The following SDK1 variants were observed in gnomAD, a reference collection of about 807,000 sequenced individuals.
The protein encoded by SDK1 is protein sidekick-1.
In SDK1, 157 loss-of-function variants were observed where a neutral mutation model predicts 245.5. That is an observed-to-expected ratio of 0.64 (90% CI 0.56 to 0.73). SDK1 has a LOEUF of 0.73. SDK1 is among the 30% of genes least tolerant of loss of function. The pLI, the probability that SDK1 is intolerant of heterozygous loss-of-function variation, is 0.00. For synonymous variants in SDK1, 1,647 were observed against 1,278.5 expected (o/e 1.29, Z -6.15); for missense variants, 3,583 against 3,002.3 (o/e 1.19, Z -4.52).
intron 1 of SDK1, among the ~76,000 whole-genome samples, chr7:3,573,821 C>T (rs771660283): frequency 1.3e-5 from 2 of 151,904 alleles, no homozygotes; most frequent in Non-Finnish European, 2.9e-5. Flanking sequence ...AAGCCCCCTG[C>T]TGTTCTTCTG....
intron 14 of SDK1, among the ~76,000 whole-genome samples, chr7:4,009,006 T>A (rs1431341235): frequency 6.6e-6 from 1 of 152,248 alleles, no homozygotes; most frequent in Non-Finnish European, 1.5e-5. Context: ...CATTTTATAT[T>A]CAGAACAACC....
At chr7:3,974,943 C>T (rs576707280) in intron 13 of SDK1, among the ~76,000 whole-genome samples, 28 of 152,254 alleles carry the variant, frequency 1.8e-4, no homozygotes, top group East Asian at 9.7e-4. Flanking sequence ...GAGGCGAGGT[C>T]GTTCCCGTGA....
intron 1 of SDK1, among the ~76,000 whole-genome samples, chr7:3,483,815 C>T (rs1781592222): frequency 6.6e-6 from 1 of 152,112 alleles, no homozygotes; most frequent in Non-Finnish European, 1.5e-5. Context: ...ATAGTAAATT[C>T]ATTGGAACAT....
At chr7:4,006,416 T>C (rs1460318654) in intron 14 of SDK1, among the ~76,000 whole-genome samples, 1 of 152,196 alleles carries the variant, frequency 6.6e-6, no homozygotes. Context: ...AAAAGATTCT[T>C]CTACCTCCCA....
chr7:3,879,243 AT>A (rs1781148655), intron 5 of SDK1, among the ~76,000 whole-genome samples: 2 of 152,204 alleles, frequency 1.3e-5, no homozygotes, highest in African/African-American at 4.8e-5. Context: ...AGAGTGTGTG[AT>A]TAGGATGACA....
chr7:4,059,408 A>G (rs183991630), intron 19 of SDK1, among the ~76,000 whole-genome samples: 5 of 152,362 alleles, frequency 3.3e-5, no homozygotes. Context: ...AATTCTAAAC[A>G]TATATAGACC....
At chr7:3,815,042 A>G (rs1199698276) in intron 4 of SDK1, among the ~76,000 whole-genome samples, 12 of 138,486 alleles carry the variant, frequency 8.7e-5, no homozygotes, top group African/African-American at 3.1e-4. Context: ...CTAGATATAC[A>G]ATCATGTCGT....
intron 1 of SDK1, among the ~76,000 whole-genome samples, chr7:3,600,438 C>A (rs1307233082): frequency 6.6e-6 from 1 of 151,900 alleles, no homozygotes; most frequent in Admixed American, 6.6e-5. Context: ...AGTGGCGAGA[C>A]CTTCCTATAC....
intron 2 of SDK1, among the ~76,000 whole-genome samples, chr7:3,637,724 A>G (rs546454761): frequency 6.6e-6 from 1 of 152,314 alleles, no homozygotes; most frequent in African/African-American, 2.4e-5. Flanking sequence ...GATTACTTAC[A>G]GTTACAGAAG....
intron 10 of SDK1, among the ~76,000 whole-genome samples, chr7:3,967,744 C>T (rs375220635): frequency 6.6e-6 from 1 of 152,114 alleles, no homozygotes; most frequent in African/African-American, 2.4e-5. Flanking sequence ...GGAGGGTGTG[C>T]GTTCCTATGA....
At chr7:3,323,271 G>A (rs1439594383) in intron 1 of SDK1, among the ~76,000 whole-genome samples, 2 of 152,128 alleles carry the variant, frequency 1.3e-5, no homozygotes, top group South Asian at 4.2e-4. Context: ...CCCTGCATCC[G>A]GCACAGTACC....
chr7:3,888,228 G>C (rs907927023), intron 5 of SDK1, among the ~76,000 whole-genome samples: 1 of 152,216 alleles, frequency 6.6e-6, no homozygotes, highest in Admixed American at 6.5e-5. Flanking sequence ...TTCCCACGTT[G>C]TTGTGAAAAC....
At chr7:3,436,898 A>C (rs534300532) in intron 1 of SDK1, among the ~76,000 whole-genome samples, 1 of 152,182 alleles carries the variant, frequency 6.6e-6, no homozygotes, top group East Asian at 1.9e-4. Flanking sequence ...TTCTGTAATG[A>C]AAGTGTATCT....
At chr7:3,756,215 C>T (rs1467794692) in intron 4 of SDK1, among the ~76,000 whole-genome samples, 1 of 148,816 alleles carries the variant, frequency 6.7e-6, no homozygotes, top group East Asian at 2.0e-4. Flanking sequence ...GCACCTGTGA[C>T]ACATGCATAT....
intron 4 of SDK1, among the ~76,000 whole-genome samples, chr7:3,739,888 T>C (rs929563391): frequency 6.6e-6 from 1 of 152,228 alleles, no homozygotes; most frequent in African/African-American, 2.4e-5. Flanking sequence ...ATTTTGGAAA[T>C]CAGATTTCCT....
At chr7:3,816,551 A>C (rs1419139216) in intron 4 of SDK1, among the ~76,000 whole-genome samples, 1 of 151,760 alleles carries the variant, frequency 6.6e-6, no homozygotes, top group African/African-American at 2.4e-5. Context: ...ACCAGGAAGA[A>C]GTTGAATCTC....
chr7:4,053,086 CAAAAAA>C (rs923402926), intron 19 of SDK1, among the ~76,000 whole-genome samples: 1 of 60,140 alleles, frequency 1.7e-5, no homozygotes, highest in Non-Finnish European at 3.7e-5. Flanking sequence ...GACTCTGTCT[CAAAAAA>C]AAAAAAAAAA....
At chr7:4,193,397 T>TAA (rs1554257073) in intron 35 of SDK1, among the ~76,000 whole-genome samples, 30 of 64,230 alleles carry the variant, frequency 4.7e-4, no homozygotes, top group African/African-American at 1.7e-3. Context: ...TATATATATA[T>TAA]AAAGGGGAGT....
chr7:3,651,455 A>G (rs963293344), intron 4 of SDK1, among the ~76,000 whole-genome samples: 2 of 152,256 alleles, frequency 1.3e-5, no homozygotes, highest in African/African-American at 4.8e-5. Flanking sequence ...GAAAGAGCAG[A>G]CAATATGCAG....
Sources: allele counts gnomAD v4.1 joint callset (sites outside exome capture counted in the v4.1 genomes callset), GRCh38; gene constraint gnomAD v4.1.1; transcripts MANE v1.5; gene names NCBI Gene and HGNC (gene_info 2026-07-23, HGNC 2026-07-21).